The following ADCY2 variants were observed in gnomAD, a reference collection of about 807,000 sequenced individuals.
ADCY2 encodes adenylate cyclase type 2.
A neutral mutation model predicts 125.2 loss-of-function variants in ADCY2; 31 were observed. That is an observed-to-expected ratio of 0.25 (90% CI 0.19 to 0.33). ADCY2 has a LOEUF of 0.33. Among genes scored for constraint, ADCY2 ranks in the 10% least tolerant of loss-of-function variants. ADCY2 has a pLI of 1.00. For missense variants in ADCY2, 904 were observed against 1,418.2 expected (o/e 0.64, Z 5.82); for synonymous variants, 512 against 548.4 (o/e 0.93, Z 0.93).
At chr5:7,545,737 C>T (rs568063984) in intron 3 of ADCY2, among the ~76,000 whole-genome samples, 100 of 152,246 alleles carry the variant, frequency 6.6e-4, no homozygotes, top group African/African-American at 1.9e-3. Flanking sequence ...CTTCAGCATG[C>T]GGTCGGTGGG....
At chr5:7,650,668 G>A (rs941326219) in intron 4 of ADCY2, among the ~76,000 whole-genome samples, 2 of 152,128 alleles carry the variant, frequency 1.3e-5, no homozygotes, top group African/African-American at 4.8e-5. Context: ...CAGTATTGCT[G>A]CTGCTGTTTT....
intron 2 of ADCY2, among the ~76,000 whole-genome samples, chr5:7,449,565 A>G (rs1741397205): frequency 6.6e-6 from 1 of 152,220 alleles, no homozygotes; most frequent in Admixed American, 6.5e-5. Context: ...ATACATAAAA[A>G]TAAAATGGAA....
At chr5:7,504,411 G>C (rs535983330) in intron 2 of ADCY2, among the ~76,000 whole-genome samples, 16 of 152,184 alleles carry the variant, frequency 1.1e-4, no homozygotes, top group African/African-American at 3.9e-4. Flanking sequence ...GTGAAAATAC[G>C]CAGTGTGAAA....
At chr5:7,658,571 C>T (rs2126690219) in intron 4 of ADCY2, among the ~76,000 whole-genome samples, 1 of 152,106 alleles carries the variant, frequency 6.6e-6, no homozygotes, top group East Asian at 1.9e-4. Context: ...AAGCATGAGG[C>T]ACCACACCCA....
At chr5:7,747,353 C>T (rs1006544596) in intron 15 of ADCY2, among the ~76,000 whole-genome samples, 8 of 152,170 alleles carry the variant, frequency 5.3e-5, no homozygotes, top group African/African-American at 1.9e-4. Flanking sequence ...TTTCTGTTTC[C>T]CCTTGAATAT....
intron 3 of ADCY2, among the ~76,000 whole-genome samples, chr5:7,547,632 G>A (rs1007657421): frequency 6.6e-6 from 1 of 152,166 alleles, no homozygotes; most frequent in Non-Finnish European, 1.5e-5. Context: ...GTTATCAATG[G>A]CGTGCCTGGC....
At chr5:7,589,500 AAGAAAGAAAGAAAAGAAAAG>A (rs1736765782) in intron 3 of ADCY2, among the ~76,000 whole-genome samples, 3 of 69,998 alleles carry the variant, frequency 4.3e-5, no homozygotes, top group African/African-American at 6.9e-5. Context: ...GAAAGAAAGA[AAGAAAGAAAGAAAAGAAAAG>A]AAAGAGAAAG....
chr5:7,802,028 G>C lies in ADCY2; in HGVS notation c.2629-190G>C. On this transcript the variant is annotated intron_variant, in intron 20 of 24. Transcript: ENST00000338316. This position sits in a 1 kb window ranked among gnomAD's most constrained non-coding sequence, Gnocchi z 4.6. ...CTTAACTGGTAGTGGCCTGAATCCA[G>C]CTCATTAGAAGCTTTCCCCTGAGAG... 1 of 580,938 alleles carries C rather than the reference G, an allele frequency of 1.7e-6. No individual in the cohort carries two copies. The highest frequency in any genetic ancestry group is 3.0e-6 in the Non-Finnish European group (1 of 336,942). 36.0% of individuals were successfully genotyped at this position (580,938 alleles called of 1,614,324 possible).
intron 12 of ADCY2, among the ~76,000 whole-genome samples, chr5:7,721,617 C>G (rs1484250209): frequency 1.3e-5 from 2 of 152,148 alleles, no homozygotes; most frequent in Non-Finnish European, 2.9e-5. Flanking sequence ...CTACGTATAG[C>G]TAGCCAGTTT....
chr5:7,591,618 A>G (rs757061050), intron 3 of ADCY2, among the ~76,000 whole-genome samples: 1 of 152,136 alleles, frequency 6.6e-6, no homozygotes, highest in Non-Finnish European at 1.5e-5. Context: ...CATCCTTCCT[A>G]TAATACTCTC....
At chr5:7,598,626 C>T (rs533717922) in intron 3 of ADCY2, among the ~76,000 whole-genome samples, 3 of 152,234 alleles carry the variant, frequency 2.0e-5, no homozygotes, top group Admixed American at 2.0e-4. Context: ...CTGGAGAATT[C>T]GAGGCAGAGG....
intron 4 of ADCY2, among the ~76,000 whole-genome samples, chr5:7,651,693 G>C (rs1032258782): frequency 3.3e-5 from 5 of 152,042 alleles, no homozygotes; most frequent in Non-Finnish European, 7.4e-5. Flanking sequence ...AGACACACCC[G>C]GGAGCAACAC....
Position 7,804,672 on chromosome 5 carries a change from C to T in ADCY2, c.2863C>T (p.Pro955Ser). 1 of 1,614,022 alleles carries T rather than the reference C, an allele frequency of 6.2e-7. No homozygotes were observed. The highest frequency in any genetic ancestry group is 1.3e-5 in the African/African-American group (1 of 75,042). The change falls in exon 22 of 25, where the codon CCC (proline) becomes TCC (serine). Residue 955 changes from proline to serine, a missense_variant. Pro to Ser is a moderately conservative substitution (Grantham distance 74). Coordinates refer to ENST00000338316, the MANE Select transcript of ADCY2 (RefSeq NM_020546.3). ...GGCAGCAACAGGTCTGAGCGCTGTG[C>T]CCAGCCAGGAGCACTCCCAGGTAAG... ...YMAATGLSAV[P>S]SQEHSQEPER...
intron 7 of ADCY2, among the ~76,000 whole-genome samples, chr5:7,704,975 T>G (rs1741219607): frequency 6.6e-6 from 1 of 152,200 alleles, no homozygotes; most frequent in African/African-American, 2.4e-5. Flanking sequence ...TTTAATGTTT[T>G]AACCAGTCAG....
intron 2 of ADCY2, among the ~76,000 whole-genome samples, chr5:7,485,637 T>C (rs1229753588): frequency 6.6e-6 from 1 of 152,202 alleles, no homozygotes; most frequent in African/African-American, 2.4e-5. Flanking sequence ...TCTCATCTGG[T>C]GAACTATCCT....
At chr5:7,607,074 C>G (rs1579230316) in intron 3 of ADCY2, among the ~76,000 whole-genome samples, 1 of 152,292 alleles carries the variant, frequency 6.6e-6, no homozygotes, top group East Asian at 1.9e-4. Flanking sequence ...GCTTCCCTCC[C>G]TTTTTGTCCC....
intron 7 of ADCY2, among the ~76,000 whole-genome samples, 171 bp downstream of exon 7, chr5:7,698,545 C>G (rs547080785): frequency 4.6e-5 from 7 of 152,152 alleles, no homozygotes; most frequent in African/African-American, 7.2e-5. Context: ...CCCCTCACCC[C>G]CTCCCCAACA....
At chr5:7,704,162 G>A (rs1435571052) in intron 7 of ADCY2, among the ~76,000 whole-genome samples, 3 of 152,094 alleles carry the variant, frequency 2.0e-5, no homozygotes, top group Non-Finnish European at 4.4e-5. Context: ...TGCGTGGGAT[G>A]GGTACCAGAC....
chr5:7,595,762 C>A (rs1364941387), intron 3 of ADCY2, among the ~76,000 whole-genome samples: 1 of 152,148 alleles, frequency 6.6e-6, no homozygotes, highest in Non-Finnish European at 1.5e-5. Context: ...TGCACATCCT[C>A]TTGGATACAT....
Sources: allele counts gnomAD v4.1 joint callset (sites outside exome capture counted in the v4.1 genomes callset), GRCh38; gene constraint gnomAD v4.1.1; non-coding constraint Gnocchi (gnomAD v3.1); transcripts MANE v1.5; gene names NCBI Gene and HGNC (gene_info 2026-07-23, HGNC 2026-07-21).